Variants in VMP1 observed in about 807,000 individuals in gnomAD.
The protein encoded by VMP1 is ectopic P-granules autophagy protein 3 homolog.
In VMP1, 11 loss-of-function variants were observed where a neutral mutation model predicts 56.0. The observed-to-expected ratio is 0.20, with a 90% CI of 0.12 to 0.32. The LOEUF is 0.32. Ranked by LOEUF, VMP1 falls within the 10% of genes least tolerant of loss-of-function variation. The pLI, the probability that VMP1 is intolerant of heterozygous loss-of-function variation, is 1.00. For synonymous variants in VMP1, 149 were observed against 165.0 expected (o/e 0.90, Z 0.74); for missense variants, 296 against 490.3 (o/e 0.60, Z 3.74).
intron 7 of VMP1, among the ~76,000 whole-genome samples, chr17:59,782,532 A>G (rs890715481): frequency 1.3e-5 from 2 of 152,216 alleles, no homozygotes; most frequent in East Asian, 3.8e-4. Flanking sequence ...TATGATTTAC[A>G]AATTCTTATA....
At chr17:59,755,464 A>C (rs1483964306) in intron 5 of VMP1, among the ~76,000 whole-genome samples, 2 of 152,150 alleles carry the variant, frequency 1.3e-5, no homozygotes, top group African/African-American at 4.8e-5. Flanking sequence ...CTTCAAAGAC[A>C]GTACCTTATA....
At chr17:59,821,799 C>T (rs991405631) in intron 10 of VMP1, among the ~76,000 whole-genome samples, 1 of 151,766 alleles carries the variant, frequency 6.6e-6, no homozygotes, top group Admixed American at 6.6e-5. Context: ...ATCCACCTGC[C>T]TGGGACTCCC....
At chr17:59,779,493 G>C (rs984052281) in intron 7 of VMP1, among the ~76,000 whole-genome samples, 2 of 152,124 alleles carry the variant, frequency 1.3e-5, no homozygotes, top group African/African-American at 4.8e-5. Flanking sequence ...AAAGTATTTT[G>C]CTTCTCTTAC....
chr17:59,790,347 G>A (rs2037181850), intron 7 of VMP1, among the ~76,000 whole-genome samples: 1 of 151,890 alleles, frequency 6.6e-6, no homozygotes, highest in Non-Finnish European at 1.5e-5. Flanking sequence ...AGATTTTTTT[G>A]CCCCATTCCC....
At chr17:59,809,269 T>A (rs2037959145) in intron 8 of VMP1, among the ~76,000 whole-genome samples, 1 of 147,368 alleles carries the variant, frequency 6.8e-6, no homozygotes, top group Admixed American at 6.9e-5. Flanking sequence ...AGTGCTGGGA[T>A]TACAGGCATG....
chr17:59,729,413 G>T (rs2034732801), intron 1 of VMP1, among the ~76,000 whole-genome samples: 1 of 150,060 alleles, frequency 6.7e-6, no homozygotes, highest in African/African-American at 2.5e-5. Context: ...AACTCGGGAG[G>T]CAGAGGTTGC....
intron 6 of VMP1, among the ~76,000 whole-genome samples, chr17:59,771,850 G>A (rs1306149690): frequency 5.9e-5 from 9 of 151,760 alleles, no homozygotes; most frequent in African/African-American, 1.9e-4. Flanking sequence ...CAAAGTTCTG[G>A]GATGATAGGT....
intron 1 of VMP1, among the ~76,000 whole-genome samples, chr17:59,721,799 T>C (rs9905783): frequency 0.027 from 4,125 of 152,330 alleles, 190 homozygotes; most frequent in African/African-American, 0.095. Flanking sequence ...ATTGTATTGC[T>C]CTGCCAGGGT....
chr17:59,740,860 A>G (rs1005411421), intron 5 of VMP1, among the ~76,000 whole-genome samples: 1 of 152,200 alleles, frequency 6.6e-6, no homozygotes, highest in Admixed American at 6.5e-5. Flanking sequence ...GCATTTAATT[A>G]ATTTGGAAGC....
chr17:59,711,064 C>G lies in VMP1; in HGVS notation c.-27+3316C>G, dbSNP rs1345833034. Among the ~76,000 whole-genome samples the G allele has an allele frequency of 7.6e-5, 11 of 145,122 alleles. 1 individual carries two copies. The South Asian group carries it at 2.6e-3, about 34-fold the overall frequency. ...CTCCAGCCTGGACAACAGAGCGAGA[C>G]TCCATCTCAAAAAAAAAAGAGAAGA... On this transcript the variant is annotated intron_variant, in intron 1 of 11. Transcript: ENST00000262291.
intron 7 of VMP1, among the ~76,000 whole-genome samples, chr17:59,794,210 GC>G (rs2037348003): frequency 7.7e-6 from 1 of 129,280 alleles, no homozygotes; most frequent in Non-Finnish European, 1.6e-5. Context: ...GTGAGTCACC[GC>G]ACCCGGCCTT....
chr17:59,801,840 G>A (rs556546015), intron 7 of VMP1, among the ~76,000 whole-genome samples: 6 of 151,962 alleles, frequency 3.9e-5, no homozygotes, highest in South Asian at 4.2e-4. Context: ...CCAAGATTGC[G>A]TCTTTGCACT....
At chr17:59,739,309 A>G (rs191675021) in intron 5 of VMP1, among the ~76,000 whole-genome samples, 302 of 152,378 alleles carry the variant, frequency 2.0e-3, no homozygotes, top group African/African-American at 7.0e-3. Flanking sequence ...CTTCCCTTAC[A>G]TCCTCTAACA....
intron 5 of VMP1, among the ~76,000 whole-genome samples, chr17:59,747,993 G>C (rs188935684): frequency 1.3e-5 from 2 of 151,594 alleles, no homozygotes; most frequent in African/African-American, 4.8e-5. Context: ...TCAGAAGATC[G>C]AGACCATCCT....
chr17:59,838,253 C>CA, intron 10 of VMP1, 42 bp from the exon 11 acceptor site: 1 of 1,565,220 alleles, frequency 6.4e-7, no homozygotes. Context: ...CTTTTCTTCC[C>CA]AAATGTGTCT....
intron 1 of VMP1, among the ~76,000 whole-genome samples, chr17:59,709,562 T>C (rs1036559504): frequency 1.3e-5 from 2 of 152,226 alleles, no homozygotes; most frequent in African/African-American, 4.8e-5. Context: ...TGGTATCACT[T>C]TACTCTTAGA....
chr17:59,811,945 AT>A, intron 9 of VMP1, among the ~76,000 whole-genome samples, 159 bp downstream of exon 9: 1 of 151,768 alleles, frequency 6.6e-6, no homozygotes, highest in Non-Finnish European at 1.5e-5. Flanking sequence ...GGAATTAGTG[AT>A]CTCCTTGTTT....
intron 7 of VMP1, among the ~76,000 whole-genome samples, chr17:59,777,421 C>G (rs917344307): frequency 2.0e-5 from 3 of 151,644 alleles, no homozygotes; most frequent in African/African-American, 7.3e-5. Context: ...ATCCAGAGGA[C>G]CGATGCCCTT....
intron 2 of VMP1, among the ~76,000 whole-genome samples, chr17:59,733,704 C>CA (rs998741066): frequency 4.0e-5 from 6 of 151,148 alleles, no homozygotes; most frequent in South Asian, 2.1e-4. Flanking sequence ...GACCCTGTCT[C>CA]AAAAAAAACA....
Sources: allele counts gnomAD v4.1 joint callset (sites outside exome capture counted in the v4.1 genomes callset), GRCh38; gene constraint gnomAD v4.1.1; transcripts MANE v1.5; gene names NCBI Gene and HGNC (gene_info 2026-07-23, HGNC 2026-07-21).